Variants in SLC17A1 observed in about 807,000 individuals in gnomAD.
SLC17A1 encodes solute carrier family 17 member 1.
SLC17A1 carries 51 observed loss-of-function variants against 53.5 expected under a neutral mutation model. The ratio of observed to expected loss-of-function variants is 0.95; its 90% CI spans 0.76 to 1.20. The LOEUF is 1.20. Among genes scored for constraint, SLC17A1 ranks in the 50% most tolerant of loss-of-function variants. SLC17A1 has a pLI of 0.00. For missense variants in SLC17A1, 538 were observed against 568.2 expected, an observed-to-expected ratio of 0.95 and a Z score of 0.54; for synonymous variants, 179 against 198.8, an observed-to-expected ratio of 0.90 and a Z score of 0.84.
the SLC17A1 span, chr6:25,771,032 C>T: frequency 6.3e-7 from 1 of 1,595,318 alleles, no homozygotes; most frequent in East Asian, 2.2e-5. Flanking sequence ...CTTTTCAAAT[C>T]TCCAATTTTT....
At chr6:25,770,068 C>A in the SLC17A1 span, 26 of 1,613,162 alleles carry the variant, frequency 1.6e-5, no homozygotes, top group Non-Finnish European at 2.1e-5. Flanking sequence ...GTCATCTAGG[C>A]CCCTGCATAT....
At chr6:25,732,413 C>G in the SLC17A1 span, 1 of 270,874 alleles carries the variant, frequency 3.7e-6, no homozygotes, top group Non-Finnish European at 7.1e-6. Context: ...TAACGGGTGT[C>G]TTTTTCCGTT....
chr6:25,746,977 T>C, the SLC17A1 span, among the ~76,000 whole-genome samples: 3 of 152,238 alleles, frequency 2.0e-5, no homozygotes, highest in Non-Finnish European at 4.4e-5. Context: ...TAAAAAACAG[T>C]ACTTTTGTCA....
At chr6:25,830,440 A>T in intron 2 of SLC17A1, 84 bp downstream of exon 2, 1 of 1,090,118 alleles carries the variant, frequency 9.2e-7, no homozygotes, top group Non-Finnish European at 1.4e-6. Flanking sequence ...TATGTATATC[A>T]CAAAAATATT....
the SLC17A1 span, chr6:25,726,396 T>TA: frequency 6.2e-7 from 1 of 1,614,066 alleles, no homozygotes; most frequent in Non-Finnish European, 8.5e-7. Context: ...CGCCTGCCCC[T>TA]ATCCGCTCTG....
At chr6:25,760,970 A>G in the SLC17A1 span, among the ~76,000 whole-genome samples, 2,806 of 152,242 alleles carry the variant, frequency 0.018, 98 homozygotes, top group African/African-American at 0.062. Flanking sequence ...CTTGTTTTGG[A>G]TGGATCACTT....
the SLC17A1 span, chr6:25,762,028 G>C: frequency 6.2e-7 from 1 of 1,613,260 alleles, no homozygotes; most frequent in African/African-American, 1.3e-5. Flanking sequence ...ATTTAAACGT[G>C]GCTCAAGAGG....
chr6:25,763,164 T>G, the SLC17A1 span, among the ~76,000 whole-genome samples: 1 of 152,182 alleles, frequency 6.6e-6, no homozygotes, highest in African/African-American at 2.4e-5. Flanking sequence ...TCTGGTTCCT[T>G]CTATAGTCTC....
At chr6:25,805,103 A>T (rs9467605) in intron 10 of SLC17A1, among the ~76,000 whole-genome samples, 2,100 of 152,214 alleles carry the variant, frequency 0.014, 29 homozygotes, top group African/African-American at 0.038. Flanking sequence ...AGCACATGAA[A>T]CATTATCCAA....
intron 12 of SLC17A1, among the ~76,000 whole-genome samples, chr6:25,787,825 A>T (rs921509753): frequency 6.6e-6 from 1 of 152,060 alleles, no homozygotes; most frequent in Admixed American, 6.5e-5. Flanking sequence ...CAGTAACCTC[A>T]GTTTTCTAGC....
chr6:25,766,119 A>G, the SLC17A1 span, among the ~76,000 whole-genome samples: 1 of 150,520 alleles, frequency 6.6e-6, no homozygotes. Context: ...TTAAAATTTA[A>G]TATTTAAAAT....
At chr6:25,738,962 G>T in the SLC17A1 span, among the ~76,000 whole-genome samples, 1 of 152,070 alleles carries the variant, frequency 6.6e-6, no homozygotes, top group Admixed American at 6.6e-5. Flanking sequence ...AGATCACCTT[G>T]GGAAACATTT....
At chr6:25,746,790 C>T in the SLC17A1 span, among the ~76,000 whole-genome samples, 7 of 152,266 alleles carry the variant, frequency 4.6e-5, no homozygotes, top group East Asian at 9.7e-4. Context: ...CCTTGCGTAT[C>T]CCCTTCTGAC....
At chr6:25,770,077 A>G in the SLC17A1 span, 1 of 1,613,914 alleles carries the variant, frequency 6.2e-7, no homozygotes, top group Non-Finnish European at 8.5e-7. Context: ...GCCCCTGCAT[A>G]TGACTGGAGT....
chr6:25,777,056 C>T, the SLC17A1 span: 26 of 1,344,266 alleles, frequency 1.9e-5, no homozygotes, highest in African/African-American at 2.0e-4. Flanking sequence ...GCAGGTACAA[C>T]AGGTTGCAGG....
chr6:25,779,086 G>T (rs769371509), downstream of SLC17A1: 1 of 1,613,842 alleles, frequency 6.2e-7, no homozygotes, highest in South Asian at 1.1e-5. Flanking sequence ...ATGTCTTCTT[G>T]CTTTCAGCTG....
At chr6:25,798,408 A>G (rs1051410974) in intron 12 of SLC17A1, among the ~76,000 whole-genome samples, 40 of 152,216 alleles carry the variant, frequency 2.6e-4, no homozygotes, top group Admixed American at 1.0e-3. Context: ...TAGACCTTAT[A>G]TAATGTAATG....
the SLC17A1 span, chr6:25,769,161 A>T: frequency 6.2e-7 from 1 of 1,614,064 alleles, no homozygotes; most frequent in Non-Finnish European, 8.5e-7. Flanking sequence ...GGGCTACTGG[A>T]ATGAAACTCT....
the SLC17A1 span, among the ~76,000 whole-genome samples, chr6:25,737,194 C>T: frequency 3.3e-5 from 5 of 152,158 alleles, no homozygotes; most frequent in African/African-American, 1.2e-4. Context: ...GCAACTTCTC[C>T]AATTACTCTT....
Sources: allele counts gnomAD v4.1 joint callset (sites outside exome capture counted in the v4.1 genomes callset), GRCh38; gene constraint gnomAD v4.1.1; transcripts MANE v1.5; gene names NCBI Gene and HGNC (gene_info 2026-07-23, HGNC 2026-07-21).